GALC: variants seen among roughly 807,000 people sequenced by gnomAD.
GALC encodes the protein galactocerebrosidase.
GALC carries 77 observed loss-of-function variants against 91.8 expected under a neutral mutation model. The ratio of observed to expected loss-of-function variants is 0.84; its 90% CI spans 0.70 to 1.01. The LOEUF is 1.01. Ranked by LOEUF, GALC falls within the 50% of genes least tolerant of loss-of-function variation. GALC has a pLI of 0.00. For missense variants in GALC, 882 were observed against 855.9 expected, an observed-to-expected ratio of 1.03 and a Z score of -0.38; for synonymous variants, 357 against 306.7, an observed-to-expected ratio of 1.16 and a Z score of -1.71.
chr14:87,966,670 G>A (rs993633533), intron 8 of GALC, among the ~76,000 whole-genome samples: 7 of 152,152 alleles, frequency 4.6e-5, no homozygotes, highest in African/African-American at 1.7e-4. Context: ...TCTGGCTAGT[G>A]ATAGATGTAT....
chr14:87,949,355 A>T (rs530421622), intron 12 of GALC, among the ~76,000 whole-genome samples: 1 of 152,132 alleles, frequency 6.6e-6, no homozygotes, highest in South Asian at 2.1e-4. Flanking sequence ...AAGGAATGTT[A>T]ACTTCTAAGA....
Position 87,945,541 on chromosome 14 carries a change from C to T in GALC, c.1670+12G>A. The stretch of plus-strand genomic sequence containing the variant: ...ATTTCAGCCAGATCCACATTGAGAA[C>T]ATCAATCTTACCAGTTGTAGTCTCC... On this transcript the variant is annotated intron_variant, in intron 14 of 16. Coordinates refer to ENST00000261304, the MANE Select transcript of GALC (RefSeq NM_000153.4). The T allele has an allele frequency of 6.4e-7, 1 of 1,570,330 alleles. No individual in the cohort carries two copies. Among genetic ancestry groups the T allele is most frequent in the South Asian group, 1.1e-5 (1 of 90,170 alleles).
At position 87,993,033 on chromosome 14, in the gene GALC, C is replaced by G; in HGVS notation, c.132G>C (p.Val44=). ...GGCCCAGCCCGTCGGAGTCGTCGAG[C>G]ACGTACGCGCCGCCGGGCGCCAGCA... The part of the protein sequence containing the change: ...CALLAPGGAY[V]LDDSDGLGRE... Residue 44 remains valine (V), a synonymous_variant, in exon 1 of 17, where the codon GTG becomes GTC. Transcript: ENST00000261304. The G allele has an allele frequency of 1.3e-6, 2 of 1,554,142 alleles. No homozygotes were observed. The highest frequency in any genetic ancestry group is 1.7e-6 in the Non-Finnish European group (2 of 1,153,608).
At chr14:87,980,376 T>C (rs138490026) in intron 6 of GALC, 37,918 of 355,636 alleles carry the variant, frequency 0.11, 2,603 homozygotes, top group Admixed American at 0.13. Context: ...AGAGAGACTC[T>C]GTCAAAAAAA....
intron 1 of GALC, among the ~76,000 whole-genome samples, chr14:87,991,532 C>T (rs539466918): frequency 4.4e-4 from 67 of 152,262 alleles, no homozygotes; most frequent in African/African-American, 1.3e-3. Flanking sequence ...TGTACCATAC[C>T]GCTTTCCCTC....
intron 16 of GALC, among the ~76,000 whole-genome samples, chr14:87,938,788 T>C (rs1884701564): frequency 6.6e-6 from 1 of 151,860 alleles, no homozygotes; most frequent in South Asian, 2.1e-4. Context: ...AAAAGTGAAA[T>C]ATTTGACAGT....
At chr14:87,984,612 T>A in intron 4 of GALC, 79 bp from the exon 5 acceptor site, 1 of 1,479,522 alleles carries the variant, frequency 6.8e-7, no homozygotes, top group Non-Finnish European at 9.3e-7. Context: ...AAATTTTTTT[T>A]AAGAAAAGCA....
rs886050866 is a variant in GALC at position 87,984,526 on chromosome 14, T to C, written c.450A>G (p.Pro150=). 6.2e-6 allele frequency: 10 copies of C among 1,614,128 alleles called. No individual in the cohort carries two copies. Among genetic ancestry groups the C allele is most frequent in the East Asian group, 4.5e-5 (2 of 44,870 alleles). ...RNPNITLIGL[P]WSFPGWLGKG... ...TTCCCAGCCATCCAGGGAATGACCA[T>C]GGCAACCCTGCAGAGAGAAGGGAGG... The change falls in exon 5 of 17, where the codon CCA becomes CCG. Residue 150 remains proline (P), a synonymous_variant. Transcript: ENST00000261304.
At chr14:87,936,328 G>C (rs920641285) in intron 16 of GALC, among the ~76,000 whole-genome samples, 1 of 151,872 alleles carries the variant, frequency 6.6e-6, no homozygotes, top group African/African-American at 2.4e-5. Context: ...ATTATCTCAG[G>C]ATAGGGCTCA....
intron 11 of GALC, 88 bp downstream of exon 11, chr14:87,950,571 T>C: frequency 1.2e-6 from 1 of 815,918 alleles, no homozygotes; most frequent in South Asian, 1.5e-5. Flanking sequence ...GTTCATAATA[T>C]AAGGCTTCAC....
intron 10 of GALC, chr14:87,953,840 T>A: frequency 1.2e-6 from 2 of 1,609,850 alleles, no homozygotes; most frequent in Non-Finnish European, 1.7e-6. Flanking sequence ...TGGTGCTATC[T>A]CCATGTCATG....
Position 87,934,433 on chromosome 14 carries a change from A to G in GALC, c.*299T>C. The G allele has an allele frequency of 7.7e-7, 1 of 1,306,642 alleles. No individual in the cohort carries two copies. Among genetic ancestry groups the G allele is most frequent in the Non-Finnish European group, 9.8e-7 (1 of 1,021,808 alleles). 80.9% of individuals were successfully genotyped at this position (1,306,642 alleles called of 1,614,324 possible). A position where few individuals can be genotyped will look rare whatever the true frequency, so the allele number is the denominator to read the frequency against. ...TGAAGAGAGCTACCTCAGTGTTAGC[A>G]GCAAGGCTTCGAGGTCTGTACTACT... On this transcript the variant is annotated 3_prime_UTR_variant, in exon 17 of 17. Transcript: ENST00000261304.
Position 87,979,648 on chromosome 14 carries a change from T to C in GALC, c.621+2557A>G, listed in dbSNP as rs72629381. The stretch of plus-strand genomic sequence containing the variant: ...GTTTAAAAGAAAATGGAAACCGTAA[T>C]ACTTTTAATGTTTCCCTCAAATGAA... On this transcript the variant is annotated intron_variant, in intron 6 of 16. Transcript: ENST00000261304. Among the ~76,000 whole-genome samples the C allele has an allele frequency of 8.3e-3, 1,261 of 152,338 alleles. 56 individuals are homozygous for C. In the East Asian group the frequency reaches 0.12, roughly 15 times the overall value.
intron 6 of GALC, 101 bp downstream of exon 6, chr14:87,982,104 G>C: frequency 3.1e-6 from 2 of 647,684 alleles, no homozygotes; most frequent in Non-Finnish European, 5.4e-6. Flanking sequence ...TAAAAAATAC[G>C]GTATTTCCAA....
At chr14:87,939,720 T>A (rs1884751781) in intron 16 of GALC, among the ~76,000 whole-genome samples, 185 bp downstream of exon 16, 1 of 151,864 alleles carries the variant, frequency 6.6e-6, no homozygotes, top group African/African-American at 2.4e-5. Context: ...TGCTGATGGT[T>A]CTCACATAGG....
intron 14 of GALC, among the ~76,000 whole-genome samples, chr14:87,944,259 T>C (rs958194189): frequency 2.6e-5 from 4 of 152,010 alleles, no homozygotes; most frequent in Admixed American, 6.6e-5. Flanking sequence ...CTCAATCTTT[T>C]TGGAGTCCCA....
At chr14:87,987,737 T>C (rs548146981) in intron 3 of GALC, 1 of 162,948 alleles carries the variant, frequency 6.1e-6, no homozygotes, top group South Asian at 1.6e-4. Context: ...TAAGTTTTGT[T>C]TTTAAAAGAA....
intron 10 of GALC, among the ~76,000 whole-genome samples, chr14:87,957,854 T>C (rs1214005037): frequency 1.3e-5 from 2 of 152,098 alleles, no homozygotes; most frequent in Non-Finnish European, 1.5e-5. Flanking sequence ...AAAGAAATAA[T>C]AGATGATGCA....
At chr14:87,963,310 A>C (rs1395818658) in intron 10 of GALC, 74 bp downstream of exon 10, 2 of 1,465,584 alleles carry the variant, frequency 1.4e-6, no homozygotes, top group Non-Finnish European at 1.9e-6. Flanking sequence ...GTAAAACAAA[A>C]GTATTCAGTT....
Sources: allele counts gnomAD v4.1 joint callset (sites outside exome capture counted in the v4.1 genomes callset), GRCh38; gene constraint gnomAD v4.1.1; transcripts MANE v1.5; gene names NCBI Gene and HGNC (gene_info 2026-07-23, HGNC 2026-07-21).